AFF3: variants seen among roughly 807,000 people sequenced by gnomAD.
AFF3 encodes AF4/FMR2 family member 3.
A neutral mutation model predicts 129.7 loss-of-function variants in AFF3; 32 were observed. That is an observed-to-expected ratio of 0.25 (90% CI 0.19 to 0.33). The LOEUF (loss-of-function observed/expected upper bound fraction) is 0.33. Among genes scored for constraint, AFF3 ranks in the 10% least tolerant of loss-of-function variants. The pLI, the probability that AFF3 is intolerant of heterozygous loss-of-function variation, is 1.00. For missense variants in AFF3, 1,373 were observed against 1,592.0 expected (o/e 0.86, Z 2.34); for synonymous variants, 644 against 635.4 (o/e 1.01, Z -0.20).
intron 7 of AFF3, among the ~76,000 whole-genome samples, chr2:99,886,860 G>A (rs183807143): frequency 4.3e-4 from 65 of 152,256 alleles, no homozygotes; most frequent in African/African-American, 1.5e-3. Context: ...CTTTCTTAAA[G>A]TTTTATTTTT....
intron 7 of AFF3, among the ~76,000 whole-genome samples, chr2:99,888,010 T>G (rs960814526): frequency 1.3e-5 from 2 of 152,238 alleles, no homozygotes; most frequent in Admixed American, 1.3e-4. Flanking sequence ...ACTCACTATT[T>G]GTAATCAAAA....
At chr2:99,828,130 T>C (rs558471498) in intron 8 of AFF3, among the ~76,000 whole-genome samples, 12 of 152,248 alleles carry the variant, frequency 7.9e-5, no homozygotes, top group African/African-American at 2.6e-4. Flanking sequence ...CAAACAGACA[T>C]GCGGTATCTC....
At chr2:99,745,938 T>C (rs1198959105) in intron 9 of AFF3, among the ~76,000 whole-genome samples, 1 of 152,142 alleles carries the variant, frequency 6.6e-6, no homozygotes, top group Non-Finnish European at 1.5e-5. Flanking sequence ...CAAAGGCACA[T>C]AGAGTGATAT....
At chr2:99,852,530 T>C (rs1204599996) in intron 7 of AFF3, among the ~76,000 whole-genome samples, 1 of 152,208 alleles carries the variant, frequency 6.6e-6, no homozygotes, top group Non-Finnish European at 1.5e-5. Flanking sequence ...CACTGATTAA[T>C]AAATTCATGT....
At chr2:100,044,319 G>T (rs1219613240) in intron 4 of AFF3, among the ~76,000 whole-genome samples, 1 of 152,184 alleles carries the variant, frequency 6.6e-6, no homozygotes, top group Non-Finnish European at 1.5e-5. Context: ...GAGGGAAGTG[G>T]CTCTTTCTGT....
At chr2:99,848,905 T>TA (rs1056164613) in intron 7 of AFF3, among the ~76,000 whole-genome samples, 16 of 152,026 alleles carry the variant, frequency 1.1e-4, no homozygotes, top group Admixed American at 3.3e-4. Context: ...TCCATTAGGC[T>TA]AAAAAAAGAG....
intron 8 of AFF3, among the ~76,000 whole-genome samples, chr2:99,773,418 A>G (rs1243018207): frequency 1.3e-5 from 2 of 152,204 alleles, no homozygotes; most frequent in Non-Finnish European, 2.9e-5. Flanking sequence ...TTGTTGCTAC[A>G]AAGCTGTCAT....
At chr2:100,045,736 T>C (rs1685781074) in intron 4 of AFF3, among the ~76,000 whole-genome samples, 1 of 152,148 alleles carries the variant, frequency 6.6e-6, no homozygotes, top group South Asian at 2.1e-4. Flanking sequence ...TGAAGACCTT[T>C]ATGATGACCC....
chr2:99,561,787 C>T (rs1276293326), intron 20 of AFF3, among the ~76,000 whole-genome samples: 2 of 151,598 alleles, frequency 1.3e-5, no homozygotes, highest in Non-Finnish European at 2.9e-5. Context: ...CCAATGCTCC[C>T]ATATTCCTTC....
intron 13 of AFF3, among the ~76,000 whole-genome samples, chr2:99,645,466 T>C (rs1171189724): frequency 6.6e-6 from 1 of 152,126 alleles, no homozygotes; most frequent in Non-Finnish European, 1.5e-5. Context: ...TGGTATAAAA[T>C]AGATAAAAAA....
chr2:100,118,787 A>G (rs1691829312), intron 2 of AFF3, among the ~76,000 whole-genome samples: 1 of 151,936 alleles, frequency 6.6e-6, no homozygotes, highest in Non-Finnish European at 1.5e-5. Flanking sequence ...TGGATCAATA[A>G]CAAATTCCAA....
chr2:100,034,834 C>T (rs1015137300), intron 4 of AFF3, among the ~76,000 whole-genome samples: 1 of 152,202 alleles, frequency 6.6e-6, no homozygotes, highest in Non-Finnish European at 1.5e-5. Context: ...AGTTCACATG[C>T]ATGAAGTATT....
At chr2:99,768,467 C>CT (rs1444929610) in intron 8 of AFF3, among the ~76,000 whole-genome samples, 1 of 152,158 alleles carries the variant, frequency 6.6e-6, no homozygotes, top group Non-Finnish European at 1.5e-5. Context: ...AATGGGTCTT[C>CT]TTTTTTGCAG....
chr2:99,561,206 A>C (rs1559478520), intron 20 of AFF3, among the ~76,000 whole-genome samples: 1 of 152,240 alleles, frequency 6.6e-6, no homozygotes, highest in Non-Finnish European at 1.5e-5. Flanking sequence ...CTATAAAATA[A>C]GACTAATACT....
chr2:99,556,448 A>C (rs1233139184), intron 22 of AFF3, among the ~76,000 whole-genome samples: 4 of 152,224 alleles, frequency 2.6e-5, no homozygotes, highest in African/African-American at 7.2e-5. Context: ...TCTCAAAAAA[A>C]AACAACAAAA....
intron 10 of AFF3, 69 bp downstream of exon 10, chr2:99,744,035 C>T: frequency 7.4e-7 from 1 of 1,345,822 alleles, no homozygotes; most frequent in South Asian, 1.3e-5. Context: ...GCTCATCCTC[C>T]CTCCCCTTCT....
chr2:99,661,546 C>G (rs1454997966), intron 12 of AFF3, among the ~76,000 whole-genome samples: 1 of 152,126 alleles, frequency 6.6e-6, no homozygotes, highest in Non-Finnish European at 1.5e-5. Flanking sequence ...TAGGCATATC[C>G]CATGGCCCAG....
intron 11 of AFF3, among the ~76,000 whole-genome samples, chr2:99,705,886 A>C (rs1387221366): frequency 6.6e-6 from 1 of 151,190 alleles, no homozygotes; most frequent in East Asian, 1.9e-4. Context: ...AAAAAAAAAA[A>C]AAAAAAAAAA....
chr2:99,953,334 C>T (rs1327011584), intron 7 of AFF3, among the ~76,000 whole-genome samples: 1 of 152,118 alleles, frequency 6.6e-6, no homozygotes, highest in Admixed American at 6.5e-5. Flanking sequence ...CACCTTAATC[C>T]ACAAGTTCTT....
Sources: gnomAD v4.1 joint callset for allele counts (sites outside exome capture counted in the v4.1 genomes callset) on GRCh38, gnomAD v4.1.1 for gene constraint, MANE v1.5 for transcripts, NCBI Gene and HGNC (gene_info 2026-07-23, HGNC 2026-07-21) for gene names.